The following MTHFSD variants were observed in gnomAD, a reference collection of about 807,000 sequenced individuals.
MTHFSD encodes the protein methenyltetrahydrofolate synthase domain-containing protein.
Under a neutral mutation model 31.1 loss-of-function variants are expected in MTHFSD, and 37 were observed. That is an observed-to-expected ratio of 1.19 (90% confidence interval 0.91 to 1.56). The LOEUF (loss-of-function observed/expected upper bound fraction) is 1.56, where lower values mean the gene tolerates loss of function less well. MTHFSD is among the 40% of genes most tolerant of loss of function. MTHFSD has a pLI of 0.00. For synonymous variants in MTHFSD, 221 were observed against 206.9 expected (o/e 1.07, Z -0.59); for missense variants, 664 against 510.1 (o/e 1.30, Z -2.91).
At chr16:86,534,163 G>A (rs180912261) in intron 7 of MTHFSD, among the ~76,000 whole-genome samples, 64 of 152,378 alleles carry the variant, frequency 4.2e-4, no homozygotes, top group African/African-American at 1.4e-3. Flanking sequence ...TCTATGCCAT[G>A]AACATATCCA....
intron 7 of MTHFSD, among the ~76,000 whole-genome samples, chr16:86,534,616 TG>T (rs1342986956): frequency 6.6e-6 from 1 of 152,250 alleles, no homozygotes; most frequent in Non-Finnish European, 1.5e-5. Flanking sequence ...AGATATAAAC[TG>T]GTCATCATTT....
chr16:86,552,311 C>T, intron 2 of MTHFSD, 165 bp from the exon 3 acceptor site: 1 of 1,540,052 alleles, frequency 6.5e-7, no homozygotes, highest in Non-Finnish European at 8.8e-7. Context: ...AATGCAATCG[C>T]ACGTTACTGA....
chr16:86,541,448 C>T, intron 7 of MTHFSD: 1 of 620,204 alleles, frequency 1.6e-6, no homozygotes, highest in Non-Finnish European at 2.7e-6. Context: ...CCCATGTGGC[C>T]ATTTCTGCCA....
chr16:86,536,378 G>A (rs1287426426), intron 7 of MTHFSD, among the ~76,000 whole-genome samples: 1 of 152,204 alleles, frequency 6.6e-6, no homozygotes, highest in Admixed American at 6.5e-5. Context: ...GGCAGGCCTC[G>A]AAGCCTCTGC....
Position 86,532,323 on chromosome 16 carries a change from CG to C in MTHFSD, c.839del (p.Pro280ArgfsTer40). The C allele has an allele frequency of 6.3e-7, 1 of 1,594,266 alleles. No individual in the cohort carries two copies. The highest frequency in any genetic ancestry group is 8.5e-7 in the Non-Finnish European group (1 of 1,171,368). Reference protein sequence around the residue: ...TVPLSVGRRPPDTPGPETNSM... With the variant: ...TVPLSVGRRPXDTPGPETNSM... ...AATTGGTTTCTGGTCCGGGTGTGTC[CG>C]GGGGCCTCCTGCCAACACTCAGGGG... On this transcript the variant is annotated frameshift_variant, in exon 8 of 8. Transcript: ENST00000360900. LOFTEE classifies it low-confidence loss of function (END_TRUNC).
chr16:86,539,499 A>G (rs1022402887), intron 7 of MTHFSD, among the ~76,000 whole-genome samples: 5 of 152,272 alleles, frequency 3.3e-5, no homozygotes, highest in African/African-American at 1.2e-4. Flanking sequence ...TTTATTTCTA[A>G]GACAAACGAG....
At chr16:86,539,018 T>C (rs988004888) in intron 7 of MTHFSD, among the ~76,000 whole-genome samples, 6 of 152,202 alleles carry the variant, frequency 3.9e-5, no homozygotes, top group African/African-American at 1.4e-4. Flanking sequence ...GGAATGTCTC[T>C]GTACCTCTCT....
rs1452417209 is a variant in MTHFSD at position 86,542,506 on chromosome 16, G to C, written c.443-293C>G. On this transcript the variant is annotated intron_variant, in intron 5 of 7. Coordinates refer to ENST00000360900, the MANE Select transcript of MTHFSD (RefSeq NM_001159377.2). The surrounding 1 kb of genome is among the most constrained non-coding windows in gnomAD (Gnocchi z 4.6). ...AGGGAAACAGATCACACTCATGTCA[G>C]CTTTATGTTAGCAAGACTCATACTT... is the stretch of plus-strand genomic sequence containing the variant. 1 of 324,810 alleles carries C rather than the reference G, an allele frequency of 3.1e-6. No individual in the cohort carries two copies. The highest frequency in any genetic ancestry group is 5.6e-6 in the Non-Finnish European group (1 of 177,658). 20.1% of individuals were successfully genotyped at this position (324,810 alleles called of 1,614,324 possible).
chr16:86,554,001 C>T (rs1163868753), intron 2 of MTHFSD, among the ~76,000 whole-genome samples: 1 of 152,196 alleles, frequency 6.6e-6, no homozygotes, highest in African/African-American at 2.4e-5. Flanking sequence ...CACCAATCAG[C>T]ATCCTGTCAA....
intron 7 of MTHFSD, among the ~76,000 whole-genome samples, chr16:86,533,958 G>C (rs1439235153): frequency 6.6e-6 from 1 of 152,202 alleles, no homozygotes; most frequent in African/African-American, 2.4e-5. Flanking sequence ...TTTTGCTTTG[G>C]TCAGAGTCCT....
intron 2 of MTHFSD, chr16:86,552,353 C>G: frequency 7.0e-7 from 1 of 1,421,664 alleles, no homozygotes. Context: ...CAACTGCAGC[C>G]CAAGCAGCTC....
chr16:86,554,725 C>T lies in MTHFSD; in HGVS notation c.43G>A (p.Glu15Lys). The change falls in exon 2 of 8, where the codon GAA (glutamate) becomes AAA (lysine). Residue 15 changes from glutamate (E) to lysine (K), a missense_variant. By Grantham distance (56) the Glu-to-Lys change is moderately conservative. Coordinates refer to ENST00000360900, the MANE Select transcript of MTHFSD (RefSeq NM_001159377.2). ...GATTCCATGTAGCCCCAAATTTGTT[C>T]ACGTATGTCCTGTTTGGAGACACCT... ...AVGVSKQDIR[E>K]QIWGYMESQN... 1.2e-6 allele frequency: 2 copies of T among 1,614,096 alleles called. No homozygotes were observed. Among genetic ancestry groups the T allele is most frequent in the South Asian group, 2.2e-5 (2 of 91,074 alleles).
At chr16:86,547,671 A>C (rs569295709) in intron 4 of MTHFSD, 9 of 485,254 alleles carry the variant, frequency 1.9e-5, no homozygotes, top group South Asian at 1.7e-4. Context: ...CTCTCTCTAT[A>C]TATATATTTT....
intron 5 of MTHFSD, among the ~76,000 whole-genome samples, chr16:86,545,651 C>A (rs1332020367): frequency 1.3e-5 from 2 of 152,146 alleles, no homozygotes; most frequent in African/African-American, 4.8e-5. Flanking sequence ...CAGGCTGGCA[C>A]GTCCCTCCTC....
intron 7 of MTHFSD, chr16:86,535,084 TCA>T (rs1170239312): frequency 7.0e-6 from 2 of 283,816 alleles, no homozygotes; most frequent in Non-Finnish European, 1.1e-5. Flanking sequence ...TCCGTGCACA[TCA>T]CAGGGAGCTC....
At position 86,532,431 on chromosome 16, in the gene MTHFSD, G is replaced by A; in HGVS notation, c.732C>T (p.Ala244=). 2 of 1,471,768 alleles carry A rather than the reference G, an allele frequency of 1.4e-6. No homozygotes were observed. Among genetic ancestry groups the A allele is most frequent in the Non-Finnish European group, 1.8e-6 (2 of 1,110,344 alleles). The allele number at this position is 1,471,768 out of a possible 1,614,324, so 91.2% of individuals were successfully genotyped here. A position where few individuals can be genotyped will look rare whatever the true frequency, so the allele number is the denominator to read the frequency against. ...EKIPILRSLR[A]REQQAGKDVT... The stretch of plus-strand genomic sequence containing the variant: ...CATCCTTCCCAGCCTGCTGCTCTCG[G>A]GCGCGGAGGCTCCTCAGTATGGGGA... Residue 244 remains alanine (A), a synonymous_variant, in exon 8 of 8, where the codon GCC becomes GCT. Transcript: ENST00000360900.
chr16:86,530,211 C>T lies in MTHFSD; in HGVS notation c.*1800G>A, dbSNP rs899105608. 12 of 152,240 alleles carry T rather than the reference C, an allele frequency of 7.9e-5. No homozygotes were observed. Among genetic ancestry groups the T allele is most frequent in the African/African-American group, 2.7e-4 (11 of 41,450 alleles). The allele number at this position is 152,240 out of a possible 1,614,324, so 9.4% of individuals were successfully genotyped here. Reference sequence around the variant, plus strand: ...TACATGTGGGGGATTTTATTTCAGGCACTTGCTCTTCAGTTTTTCTTACAC... The same window carrying T: ...TACATGTGGGGGATTTTATTTCAGGTACTTGCTCTTCAGTTTTTCTTACAC... On this transcript the variant is annotated 3_prime_UTR_variant, in exon 8 of 8. Coordinates refer to ENST00000360900, the MANE Select transcript of MTHFSD (RefSeq NM_001159377.2).
At chr16:86,541,120 C>A (rs1025057) in intron 7 of MTHFSD, 3 of 1,279,854 alleles carry the variant, frequency 2.3e-6, no homozygotes, top group Non-Finnish European at 3.0e-6. Flanking sequence ...CCAGCAGAGA[C>A]AGCATCATAA....
chr16:86,542,146 G>A lies in MTHFSD; in HGVS notation c.510C>T (p.Ala170=), dbSNP rs755394699. 12 of 1,613,770 alleles carry A rather than the reference G, an allele frequency of 7.4e-6. No individual in the cohort carries two copies. The highest frequency in any genetic ancestry group is 7.6e-6 in the Non-Finnish European group (9 of 1,180,018). The change falls in exon 6 of 8, where the codon GCC becomes GCT. Residue 170 remains alanine, a synonymous_variant. Transcript: ENST00000360900. This position sits in a 1 kb window ranked among gnomAD's most constrained non-coding sequence, Gnocchi z 4.6. ...LEYAMMVSMG[A]VSKETPVVTI... ...TGACCACCGGCGTCTCCTTGCTGAC[G>A]GCGCCCATGGATACCATCATGGCAT...
Sources: gnomAD v4.1 joint callset for allele counts (sites outside exome capture counted in the v4.1 genomes callset) on GRCh38, gnomAD v4.1.1 for gene constraint, Gnocchi (gnomAD v3.1) non-coding constraint, MANE v1.5 for transcripts, NCBI Gene and HGNC (gene_info 2026-07-23, HGNC 2026-07-21) for gene names.